SLC12A9: variants seen among roughly 807,000 people sequenced by gnomAD.
SLC12A9 encodes the protein solute carrier family 12 member 9, also known as CCC-interacting protein 1.
In SLC12A9, 55 loss-of-function variants were observed where a neutral mutation model predicts 66.0. The observed-to-expected ratio is 0.83, with a 90% CI of 0.67 to 1.04. The LOEUF (loss-of-function observed/expected upper bound fraction) is 1.04. Ranked by LOEUF, SLC12A9 falls within the 50% of genes least tolerant of loss-of-function variation. The pLI is 0.00. For synonymous variants in SLC12A9, 577 were observed against 569.0 expected (o/e 1.01, Z -0.20); for missense variants, 1,061 against 1,241.9 (o/e 0.85, Z 2.19).
chr7:100,831,350 C>T (rs1813539764), intron 1 of SLC12A9, among the ~76,000 whole-genome samples: 1 of 152,134 alleles, frequency 6.6e-6, no homozygotes, highest in Admixed American at 6.5e-5. Context: ...CCACACCGGG[C>T]TAATTTTGTA....
chr7:100,840,839 G>A (rs989430340), intron 1 of SLC12A9, among the ~76,000 whole-genome samples: 6 of 151,944 alleles, frequency 3.9e-5, no homozygotes, highest in African/African-American at 9.7e-5. Context: ...GGTATTCTCC[G>A]TAACCCTGTA....
intron 13 of SLC12A9, among the ~76,000 whole-genome samples, chr7:100,864,532 A>G (rs1186672954): frequency 2.6e-5 from 2 of 75,986 alleles, no homozygotes; most frequent in Non-Finnish European, 5.7e-5. Context: ...GTCTCCCTGT[A>G]AACTCAGCAA....
upstream of SLC12A9, among the ~76,000 whole-genome samples, chr7:100,850,496 T>A (rs774691692): frequency 6.6e-6 from 1 of 151,836 alleles, no homozygotes; most frequent in Non-Finnish European, 1.5e-5. Context: ...TGCCTCAGCC[T>A]CCCAAAGTAC....
chr7:100,834,549 T>TG (rs1026447412), intron 1 of SLC12A9, among the ~76,000 whole-genome samples: 1 of 151,572 alleles, frequency 6.6e-6, no homozygotes, highest in African/African-American at 2.4e-5. Flanking sequence ...GTGTGTGTGT[T>TG]GGGGGGGATG....
In SLC12A9 at chr7:100,855,281, C is replaced by T. The variant is rs567856291; in HGVS notation, c.317-425C>T. Among the ~76,000 whole-genome samples the T allele has an allele frequency of 3.2e-3, 180 of 56,988 alleles. 1 individual carries two copies. Among genetic ancestry groups the T allele is most frequent in the Non-Finnish European group, 5.5e-3 (161 of 29,366 alleles). The allele number at this position is 56,988 out of a possible 152,430, so 37.4% of individuals were successfully genotyped here. A position where few individuals can be genotyped will look rare whatever the true frequency, so the allele number is the denominator to read the frequency against. On this transcript the variant is annotated intron_variant, in intron 3 of 13. Transcript: ENST00000354161. ...AGCACTATAGGCATGTACCACCACC[C>T]CTGTTTAATTTTTAAATATTTGTAG...
intron 1 of SLC12A9, among the ~76,000 whole-genome samples, chr7:100,843,632 A>T (rs1813834456): frequency 6.6e-6 from 1 of 152,254 alleles, no homozygotes; most frequent in African/African-American, 2.4e-5. Flanking sequence ...CCTAGCAGCA[A>T]TGGCCCTGTT....
chr7:100,846,674 A>C (rs748504147), intron 1 of SLC12A9, among the ~76,000 whole-genome samples: 1 of 152,222 alleles, frequency 6.6e-6, no homozygotes, highest in African/African-American at 2.4e-5. Context: ...ATGGGTAGTG[A>C]GAATGAAAGT....
chr7:100,828,970 C>G (rs938468306), intron 1 of SLC12A9, among the ~76,000 whole-genome samples: 1 of 151,922 alleles, frequency 6.6e-6, no homozygotes. Context: ...TAGACTCCCA[C>G]AGTAATTAGC....
upstream of SLC12A9, among the ~76,000 whole-genome samples, chr7:100,849,225 C>T (rs1204228535): frequency 2.0e-5 from 3 of 151,774 alleles, no homozygotes; most frequent in Admixed American, 6.6e-5. Context: ...CCGTGCCCAG[C>T]CTTCACTTCC....
upstream of SLC12A9, among the ~76,000 whole-genome samples, chr7:100,851,524 A>T (rs924583469): frequency 2.4e-4 from 37 of 151,528 alleles, no homozygotes; most frequent in Non-Finnish European, 4.3e-4. Flanking sequence ...CCCAGGTTCA[A>T]GCGATCCTCC....
rs754521193 is a variant in SLC12A9 at position 100,861,124 on chromosome 7, T to C, written c.1219-14T>C. On this transcript the variant is annotated splice_polypyrimidine_tract_variant and intron_variant, in intron 9 of 13. Coordinates refer to ENST00000354161, the MANE Select transcript of SLC12A9 (RefSeq NM_020246.4). The surrounding 1 kb of genome is among the most constrained non-coding windows in gnomAD (Gnocchi z 5.3). ...CACTTTGGAACAACGGCACGCCTCT[T>C]GGCCCTTGCCCAGCTGGTGCTCCTG... is the stretch of plus-strand genomic sequence containing the variant. The C allele has an allele frequency of 1.9e-6, 3 of 1,614,200 alleles. No individual in the cohort carries two copies. The highest frequency in any genetic ancestry group is 2.5e-6 in the Non-Finnish European group (3 of 1,180,020).
chr7:100,831,449 G>A (rs1562978904), intron 1 of SLC12A9, among the ~76,000 whole-genome samples: 2 of 152,086 alleles, frequency 1.3e-5, no homozygotes, highest in Middle Eastern at 3.4e-3. Context: ...GCCTCCCAAA[G>A]TGCTGGGATT....
intron 13 of SLC12A9, 29 bp from the exon 14 acceptor site, chr7:100,865,689 CT>C (rs753642604): frequency 6.3e-7 from 1 of 1,580,196 alleles, no homozygotes; most frequent in Non-Finnish European, 8.6e-7. Context: ...TGACTCCTGT[CT>C]GTTCCTGCCT....
chr7:100,834,077 C>A (rs1262095764), intron 1 of SLC12A9, among the ~76,000 whole-genome samples: 3 of 151,944 alleles, frequency 2.0e-5, no homozygotes, highest in Non-Finnish European at 4.4e-5. Flanking sequence ...TGGCTAAGCG[C>A]ACAGCCTAAC....
chr7:100,861,328 G>A lies in SLC12A9; in HGVS notation c.1344-64G>A. On this transcript the variant is annotated intron_variant, in intron 10 of 13. Transcript: ENST00000354161. This position sits in a 1 kb window ranked among gnomAD's most constrained non-coding sequence, Gnocchi z 5.3. The stretch of plus-strand genomic sequence containing the variant: ...GGACTCGGGCTCAGGCGTGGGGCTG[G>A]GGACTGCAGCCTCGTGTGCGGCCTG... The A allele has an allele frequency of 1.2e-6, 2 of 1,612,254 alleles. No homozygotes were observed. The highest frequency in any genetic ancestry group is 1.7e-6 in the Non-Finnish European group (2 of 1,178,570).
intron 7 of SLC12A9, chr7:100,859,544 T>C: frequency 2.7e-6 from 1 of 366,582 alleles, no homozygotes. Flanking sequence ...AGCAAGAGCC[T>C]CCCCCCAAAT....
chr7:100,836,022 C>A (rs1473465895), intron 1 of SLC12A9, among the ~76,000 whole-genome samples: 1 of 152,082 alleles, frequency 6.6e-6, no homozygotes, highest in Non-Finnish European at 1.5e-5. Context: ...GGCTCATTGT[C>A]CCAGCAGGGG....
chr7:100,828,297 G>C (rs1813468936), intron 1 of SLC12A9, among the ~76,000 whole-genome samples: 1 of 151,890 alleles, frequency 6.6e-6, no homozygotes, highest in Non-Finnish European at 1.5e-5. Flanking sequence ...CCAGCATTTT[G>C]GGAGGCAGAG....
intron 1 of SLC12A9, among the ~76,000 whole-genome samples, chr7:100,828,071 CAAG>C (rs976155653): frequency 6.6e-6 from 1 of 152,200 alleles, no homozygotes; most frequent in African/African-American, 2.4e-5. Flanking sequence ...CAGGGGGCCT[CAAG>C]GAGCAATCCC....
Sources: allele counts gnomAD v4.1 joint callset (sites outside exome capture counted in the v4.1 genomes callset), GRCh38; gene constraint gnomAD v4.1.1; non-coding constraint Gnocchi (gnomAD v3.1); transcripts MANE v1.5; gene names NCBI Gene and HGNC (gene_info 2026-07-23, HGNC 2026-07-21).